The following GPM6B variants were observed in gnomAD, a reference collection of about 807,000 sequenced individuals.
GPM6B encodes the protein glycoprotein M6B, also known as neuronal membrane glycoprotein M6-b.
Under a neutral mutation model 27.2 loss-of-function variants are expected in GPM6B, and 4 were observed. The observed-to-expected ratio is 0.15, with a 90% confidence interval of 0.07 to 0.34. GPM6B has a LOEUF of 0.34. Among genes scored for constraint, GPM6B ranks in the 10% least tolerant of loss-of-function variants. GPM6B has a pLI of 1.00. For synonymous variants in GPM6B, 124 were observed against 103.1 expected (o/e 1.20, Z -1.23); for missense variants, 183 against 261.9 (o/e 0.70, Z 2.08).
intron 1 of GPM6B, among the ~76,000 whole-genome samples, chrX:13,812,277 T>A (rs2049151367): frequency 9.0e-6 from 1 of 110,540 alleles, no homozygotes; most frequent in Non-Finnish European, 1.9e-5. Flanking sequence ...ATGGTCTCGA[T>A]CTCTTGACCT....
intron 1 of GPM6B, among the ~76,000 whole-genome samples, chrX:13,881,380 C>T (rs1300547961): frequency 9.0e-6 from 1 of 110,900 alleles, no homozygotes; most frequent in African/African-American, 3.3e-5. Context: ...GGCATGGTGG[C>T]GCATGTCTCT....
chrX:13,865,882 AT>A (rs748286329), intron 1 of GPM6B, among the ~76,000 whole-genome samples: 34 of 111,561 alleles, frequency 3.0e-4, no homozygotes, highest in African/African-American at 1.1e-3. Context: ...AAATCCTGTC[AT>A]TTTTGACAAC....
chrX:13,934,666 C>T (rs1775600908), intron 1 of GPM6B, among the ~76,000 whole-genome samples: 1 of 112,022 alleles, frequency 8.9e-6, no homozygotes, highest in South Asian at 3.7e-4. Context: ...AGTGTTTAGA[C>T]CATCAGGGAG....
chrX:13,779,574 G>A (rs747080043), intron 5 of GPM6B, among the ~76,000 whole-genome samples: 1 of 111,883 alleles, frequency 8.9e-6, no homozygotes, highest in African/African-American at 3.3e-5. Context: ...ATTAAGAAAA[G>A]CTTCTTTCAC....
At chrX:13,803,570 T>G (rs1451686700) in intron 2 of GPM6B, among the ~76,000 whole-genome samples, 1 of 112,183 alleles carries the variant, frequency 8.9e-6, no homozygotes, top group Non-Finnish European at 1.9e-5. Context: ...TCCTTCCTTG[T>G]GAGACTGAAT....
chrX:13,933,684 C>G, intron 1 of GPM6B, among the ~76,000 whole-genome samples: 1 of 111,952 alleles, frequency 8.9e-6, no homozygotes, highest in Non-Finnish European at 1.9e-5. Context: ...AAATGAGTCA[C>G]TTGAGAAAAT....
intron 1 of GPM6B, among the ~76,000 whole-genome samples, chrX:13,937,556 G>A (rs192229481): frequency 9.0e-6 from 1 of 111,596 alleles, no homozygotes; most frequent in East Asian, 2.8e-4. Context: ...TCTGTCACTA[G>A]AGAAAGATAA....
At chrX:13,903,003 G>A (rs1000105423) in intron 1 of GPM6B, among the ~76,000 whole-genome samples, 4 of 112,253 alleles carry the variant, frequency 3.6e-5, no homozygotes, top group Non-Finnish European at 7.5e-5. Context: ...GCTGGACCCT[G>A]GGTCCTAGAA....
intron 3 of GPM6B, among the ~76,000 whole-genome samples, 153 bp downstream of exon 3, chrX:13,785,469 G>C (rs1331395604): frequency 9.0e-6 from 1 of 110,869 alleles, no homozygotes; most frequent in African/African-American, 3.3e-5. Context: ...TGTATTTTTA[G>C]TAGAGGTGGC....
At chrX:13,804,333 G>C (rs1470475859) in intron 2 of GPM6B, among the ~76,000 whole-genome samples, 1 of 103,394 alleles carries the variant, frequency 9.7e-6, no homozygotes, top group Non-Finnish European at 1.9e-5. Flanking sequence ...TGGAGACTTA[G>C]CATGAACTAC....
chrX:13,806,218 T>G, intron 2 of GPM6B, among the ~76,000 whole-genome samples: 1 of 111,810 alleles, frequency 8.9e-6, no homozygotes, highest in Non-Finnish European at 1.9e-5. Flanking sequence ...ATTAACCTAC[T>G]TCTTATCTCA....
At chrX:13,797,325 G>A (rs1458477594) in intron 2 of GPM6B, among the ~76,000 whole-genome samples, 1 of 111,613 alleles carries the variant, frequency 9.0e-6, no homozygotes, top group East Asian at 2.8e-4. Context: ...GGGATATGGG[G>A]GAGTGAGGTA....
rs1156741378 is a variant in GPM6B at position 13,890,127 on chromosome X, A to G, written c.-198+48200T>C. 6.3e-5 allele frequency among the ~76,000 whole-genome samples: 7 copies of G among 111,418 alleles called. No individual in the cohort carries two copies. In the South Asian group the frequency reaches 1.9e-3, roughly 30 times the overall value. ...GAGATACGAGGTCGGCACAAGATAC[A>G]GGTCATAAAGACCTTGCTGATAAAA... On this transcript the variant is annotated intron_variant, in intron 1 of 6. Transcript: ENST00000398361.
In GPM6B at chrX:13,771,832, G is replaced by A. The variant is rs2048304311; in HGVS notation, c.*1049C>T. The A allele has an allele frequency of 8.9e-6, 1 of 111,863 alleles. No homozygotes were observed. Among genetic ancestry groups the A allele is most frequent in the Non-Finnish European group, 1.9e-5 (1 of 53,043 alleles). The allele number at this position is 111,863 out of a possible 1,213,427, so 9.2% of individuals were successfully genotyped here. A position where few individuals can be genotyped will look rare whatever the true frequency, so the allele number is the denominator to read the frequency against. On this transcript the variant is annotated 3_prime_UTR_variant, in exon 8 of 8. Coordinates refer to ENST00000316715, the MANE Select transcript of GPM6B (RefSeq NM_001001995.3). Reference sequence around the variant, plus strand: ...TTCCAGGAAACTAAGATTTAGATAAGAAAAAAATGAAATACCAACCCTAAT... The same window carrying A: ...TTCCAGGAAACTAAGATTTAGATAAAAAAAAAATGAAATACCAACCCTAAT...
chrX:13,932,677 C>A (rs1195970377), intron 1 of GPM6B, among the ~76,000 whole-genome samples: 1 of 111,469 alleles, frequency 9.0e-6, no homozygotes, highest in African/African-American at 3.3e-5. Context: ...GGTAGGTACT[C>A]ATTTAACCCT....
At chrX:13,797,696 G>A (rs1039801582) in intron 2 of GPM6B, among the ~76,000 whole-genome samples, 33 of 111,365 alleles carry the variant, frequency 3.0e-4, no homozygotes, top group African/African-American at 7.5e-4. Context: ...TGGCACTGGT[G>A]TGTGGGCTGG....
intron 2 of GPM6B, among the ~76,000 whole-genome samples, chrX:13,798,750 TAGG>T (rs1281954989): frequency 8.9e-6 from 1 of 112,783 alleles, no homozygotes; most frequent in East Asian, 2.8e-4. Context: ...ACTCAAAGCG[TAGG>T]ACCTAGCCCA....
intron 1 of GPM6B, among the ~76,000 whole-genome samples, chrX:13,813,372 T>A (rs2049174917): frequency 8.9e-6 from 1 of 111,983 alleles, no homozygotes; most frequent in Non-Finnish European, 1.9e-5. Flanking sequence ...ATTTCTTACT[T>A]TGACTATATC....
At chrX:13,909,170 C>T (rs1409531772) in intron 1 of GPM6B, among the ~76,000 whole-genome samples, 1 of 91,534 alleles carries the variant, frequency 1.1e-5, no homozygotes, top group African/African-American at 4.3e-5. Context: ...GTTGCCCAGG[C>T]TGGAGTGCAG....
Sources: allele counts gnomAD v4.1 joint callset (sites outside exome capture counted in the v4.1 genomes callset), GRCh38; gene constraint gnomAD v4.1.1; transcripts MANE v1.5; gene names NCBI Gene and HGNC (gene_info 2026-07-23, HGNC 2026-07-21).